CFAP299: variants seen among roughly 807,000 people sequenced by gnomAD.
The protein encoded by CFAP299 is cilia- and flagella-associated protein 299.
Under a neutral mutation model 27.0 loss-of-function variants are expected in CFAP299, and 21 were observed. The ratio of observed to expected loss-of-function variants is 0.78; its 90% confidence interval spans 0.55 to 1.12. The LOEUF is 1.12. CFAP299 is among the 50% of genes most tolerant of loss of function. The pLI is 0.00. For missense variants in CFAP299, 310 were observed against 276.6 expected (o/e 1.12, Z -0.86); for synonymous variants, 104 against 98.1 (o/e 1.06, Z -0.36).
chr4:80,922,289 C>T (rs1435329404), intron 4 of CFAP299, among the ~76,000 whole-genome samples: 1 of 151,998 alleles, frequency 6.6e-6, no homozygotes, highest in Non-Finnish European at 1.5e-5. Flanking sequence ...ATGTGGATTG[C>T]ACCCTTGTTT....
At chr4:80,801,117 C>A (rs900910866) in intron 3 of CFAP299, among the ~76,000 whole-genome samples, 19 of 151,678 alleles carry the variant, frequency 1.3e-4, no homozygotes, top group African/African-American at 4.4e-4. Context: ...CACAGACACA[C>A]CCAGAATCAA....
chr4:80,714,174 T>C (rs939356426), intron 3 of CFAP299, among the ~76,000 whole-genome samples: 4 of 152,088 alleles, frequency 2.6e-5, no homozygotes, highest in Non-Finnish European at 4.4e-5. Flanking sequence ...GCTAGTGACT[T>C]TATAGATCCT....
chr4:80,735,969 T>C (rs1482844589), intron 3 of CFAP299, among the ~76,000 whole-genome samples: 2 of 152,122 alleles, frequency 1.3e-5, no homozygotes, highest in African/African-American at 4.8e-5. Context: ...CTTGGGAGTA[T>C]TCCTTTCTCT....
intron 2 of CFAP299, among the ~76,000 whole-genome samples, chr4:80,376,056 C>T (rs563479958): frequency 2.6e-5 from 4 of 152,124 alleles, no homozygotes; most frequent in Admixed American, 6.6e-5. Context: ...TTTTCATTAC[C>T]GCAAAAAGTT....
At chr4:80,800,681 ATATAT>A (rs992677251) in intron 3 of CFAP299, among the ~76,000 whole-genome samples, 1 of 114,962 alleles carries the variant, frequency 8.7e-6, no homozygotes, top group Non-Finnish European at 1.7e-5. Flanking sequence ...TAAATATATG[ATATAT>A]TATATATATT....
At chr4:80,642,272 A>C (rs368966909) in intron 3 of CFAP299, among the ~76,000 whole-genome samples, 10 of 152,340 alleles carry the variant, frequency 6.6e-5, no homozygotes, top group African/African-American at 2.4e-4. Context: ...CAACTGATTA[A>C]ATTTGGATTT....
At chr4:80,725,291 A>G (rs1723094249) in intron 3 of CFAP299, among the ~76,000 whole-genome samples, 1 of 151,448 alleles carries the variant, frequency 6.6e-6, no homozygotes, top group African/African-American at 2.4e-5. Context: ...ACTTTCTTTT[A>G]ATACTTTGAG....
chr4:80,375,836 T>C (rs1724379663), intron 2 of CFAP299, among the ~76,000 whole-genome samples: 2 of 152,182 alleles, frequency 1.3e-5, no homozygotes, highest in South Asian at 2.1e-4. Context: ...GAAAACAATA[T>C]GTCATGAGCT....
chr4:80,386,968 A>T, intron 2 of CFAP299: 1 of 957,272 alleles, frequency 1.0e-6, no homozygotes, highest in Non-Finnish European at 1.7e-6. Context: ...GACTTCTTGC[A>T]CACCTGGCCC....
rs77139782 is a variant in CFAP299 at position 80,539,190 on chromosome 4, C to G, written c.243-43903C>G. Among the ~76,000 whole-genome samples, 875 of 152,310 alleles carry G rather than the reference C, an allele frequency of 5.7e-3. 6 individuals carry two copies. The highest frequency in any genetic ancestry group is 0.02 in the African/African-American group (816 of 41,560). On this transcript the variant is annotated intron_variant, in intron 2 of 5. Transcript: ENST00000358105. ...CCCACCTTATATTTGGAGAGTTCCT[C>G]AGGTTATACATCTTGCCTTCCTGTT...
intron 3 of CFAP299, among the ~76,000 whole-genome samples, chr4:80,830,524 G>C (rs920157761): frequency 1.3e-5 from 2 of 152,030 alleles, no homozygotes; most frequent in African/African-American, 4.8e-5. Flanking sequence ...GTATGCAACA[G>C]AAGTGTAGAA....
rs368329488 is a variant in CFAP299, at chr4:80,416,237, GC to G, written c.242+53355del. ...TTGACTGTAGGGTGTGTTTGTGATG[GC>G]CAACTTGACGTTGAAATTTAAAATT... On this transcript the variant is annotated intron_variant, in intron 2 of 5. Transcript: ENST00000358105. Among the ~76,000 whole-genome samples the G allele has an allele frequency of 2.3e-4, 35 of 152,304 alleles. 1 individual carries two copies. In the South Asian group the frequency reaches 6.4e-3, roughly 28 times the overall value.
chr4:80,430,662 C>T (rs1489823227), intron 2 of CFAP299, among the ~76,000 whole-genome samples: 1 of 152,200 alleles, frequency 6.6e-6, no homozygotes, highest in Non-Finnish European at 1.5e-5. Flanking sequence ...GTTTACTCCA[C>T]TCCTCCTCTT....
intron 3 of CFAP299, among the ~76,000 whole-genome samples, chr4:80,820,784 C>G (rs550490568): frequency 1.5e-4 from 23 of 152,086 alleles, no homozygotes; most frequent in Non-Finnish European, 2.9e-4. Context: ...ATTAGTGTTG[C>G]AATTAATGCT....
intron 4 of CFAP299, chr4:80,873,198 T>C (rs1733200274): frequency 5.6e-6 from 1 of 177,890 alleles, no homozygotes; most frequent in African/African-American, 2.4e-5. Context: ...ATACTTAGTT[T>C]GATTCAGAAC....
intron 4 of CFAP299, among the ~76,000 whole-genome samples, chr4:80,926,901 G>A (rs192671908): frequency 1.1e-4 from 17 of 152,156 alleles, no homozygotes; most frequent in Admixed American, 1.1e-3. Flanking sequence ...AGATGGCAAA[G>A]ACTAGCTGGT....
intron 3 of CFAP299, among the ~76,000 whole-genome samples, chr4:80,799,893 A>T (rs1316312501): frequency 1.5e-4 from 6 of 40,546 alleles, no homozygotes; most frequent in African/African-American, 4.6e-4. Flanking sequence ...TAATATATAA[A>T]TTATATATTA....
At chr4:80,601,512 A>G (rs1344835745) in intron 3 of CFAP299, among the ~76,000 whole-genome samples, 1 of 152,220 alleles carries the variant, frequency 6.6e-6, no homozygotes, top group Non-Finnish European at 1.5e-5. Context: ...AGATAGAATG[A>G]AAAAATAATA....
intron 2 of CFAP299, among the ~76,000 whole-genome samples, chr4:80,530,910 A>C (rs894087598): frequency 6.6e-6 from 1 of 152,142 alleles, no homozygotes; most frequent in Non-Finnish European, 1.5e-5. Flanking sequence ...GAGATCCAAG[A>C]CCTGAGTGTG....
Sources: gnomAD v4.1 joint callset for allele counts (sites outside exome capture counted in the v4.1 genomes callset) on GRCh38, gnomAD v4.1.1 for gene constraint, MANE v1.5 for transcripts, NCBI Gene and HGNC (gene_info 2026-07-23, HGNC 2026-07-21) for gene names.